The following CD8B variants were observed in gnomAD, a reference collection of about 807,000 sequenced individuals.
CD8B encodes the protein CD8 subunit beta, also known as T-cell surface glycoprotein CD8 beta chain.
CD8B carries 6 observed loss-of-function variants against 24.2 expected under a neutral mutation model. That is an observed-to-expected ratio of 0.25 (90% CI 0.14 to 0.49). The LOEUF (loss-of-function observed/expected upper bound fraction) is 0.49. CD8B is among the 20% of genes least tolerant of loss of function. The pLI, the probability that CD8B is intolerant of heterozygous loss-of-function variation, is 0.98. For missense variants in CD8B, 196 were observed against 271.3 expected, an observed-to-expected ratio of 0.72 and a Z score of 1.95; for synonymous variants, 84 against 108.3, an observed-to-expected ratio of 0.78 and a Z score of 1.39.
chr2:86,835,717 A>G (rs1257346978), downstream of CD8B, among the ~76,000 whole-genome samples: 2 of 150,334 alleles, frequency 1.3e-5, no homozygotes, highest in East Asian at 2.0e-4. Context: ...CCCTCACCCA[A>G]CCGCAGAGAC....
rs151067150 is a variant in CD8B at position 86,828,156 on chromosome 2, G to A, written c.621-12438C>T. On this transcript the variant is annotated intron_variant, in intron 5 of 5. Transcript: ENST00000331469. ...GCAGGTAAATGGAACAGTACCAAAC[G>A]CTTAATAACAAATGCTTAATAAATG... is the stretch of plus-strand genomic sequence containing the variant. 5.1e-3 allele frequency among the ~76,000 whole-genome samples: 781 copies of A among 152,226 alleles called. 12 individuals carry two copies. Among genetic ancestry groups the A allele is most frequent in the South Asian group, 0.021 (102 of 4,812 alleles).
downstream of CD8B, among the ~76,000 whole-genome samples, chr2:86,836,742 G>A (rs1303178979): frequency 6.6e-6 from 1 of 152,156 alleles, no homozygotes; most frequent in African/African-American, 2.4e-5. Context: ...CACTAGCCTG[G>A]GCAACAGAGC....
At chr2:86,855,852 G>A (rs570997791) in intron 2 of CD8B, among the ~76,000 whole-genome samples, 5 of 152,352 alleles carry the variant, frequency 3.3e-5, no homozygotes, top group South Asian at 2.1e-4. Flanking sequence ...GGGCACCGCC[G>A]CCTGGGTCTA....
chr2:86,849,703 G>GTTT (rs551385750), intron 3 of CD8B, among the ~76,000 whole-genome samples: 20 of 127,422 alleles, frequency 1.6e-4, no homozygotes, highest in South Asian at 5.1e-4. Context: ...CAACTAAGGT[G>GTTT]TTTTTTTTTT....
At position 86,846,653 on chromosome 2, in the gene CD8B, A is replaced by T. The variant is rs771549269; in HGVS notation, c.583+31T>A. ...GGGACACTTCAAACAGCAAACAGGGACACCCAACAACCCAAGAGGAGACAA... is the reference window on the plus strand; with the variant it reads ...GGGACACTTCAAACAGCAAACAGGGTCACCCAACAACCCAAGAGGAGACAA... On this transcript the variant is annotated intron_variant, in intron 4 of 5. Transcript: ENST00000390655. 4.3e-5 allele frequency: 51 copies of T among 1,192,706 alleles called. 3 individuals are homozygous for T. The South Asian group carries it at 6.4e-4, about 15-fold the overall frequency. The allele number at this position is 1,192,706 out of a possible 1,614,324, so 73.9% of individuals were successfully genotyped here.
downstream of CD8B, among the ~76,000 whole-genome samples, chr2:86,835,015 C>T (rs1217788689): frequency 2.6e-5 from 4 of 151,774 alleles, no homozygotes; most frequent in African/African-American, 7.3e-5. Flanking sequence ...CACAGAAGCA[C>T]GCACAGGCGC....
At chr2:86,821,669 C>T in intron 5 of CD8B, 1 of 398,098 alleles carries the variant, frequency 2.5e-6, no homozygotes, top group Admixed American at 2.5e-5. Flanking sequence ...TGTTTTTAAC[C>T]CAGTGTGGAC....
At chr2:86,835,397 C>G (rs1262396274), downstream of CD8B, among the ~76,000 whole-genome samples, 2 of 152,214 alleles carry the variant, frequency 1.3e-5, no homozygotes, top group Non-Finnish European at 2.9e-5. Flanking sequence ...GACCCAAACT[C>G]CATCTTCTGC....
intron 5 of CD8B, among the ~76,000 whole-genome samples, chr2:86,829,102 T>TTC (rs1442953248): frequency 1.4e-5 from 2 of 139,120 alleles, no homozygotes; most frequent in Non-Finnish European, 3.2e-5. Flanking sequence ...TTACTTTTTT[T>TTC]TTTTTTTTTT....
In CD8B at chr2:86,840,605, A is replaced by C. The variant is rs1385637823; in HGVS notation, c.*1702T>G. ...GTACTTAAAACCCAGAAAACTTTGC[A>C]ATTGGGCCCATGGGCTATCTGCTTA... is the stretch of plus-strand genomic sequence containing the variant. On this transcript the variant is annotated 3_prime_UTR_variant, in exon 6 of 6. Transcript: ENST00000390655. 1.3e-5 allele frequency among the ~76,000 whole-genome samples: 2 copies of C among 152,156 alleles called. No individual in the cohort carries two copies. Among genetic ancestry groups the C allele is most frequent in the African/African-American group, 2.4e-5 (1 of 41,428 alleles).
intron 5 of CD8B, among the ~76,000 whole-genome samples, chr2:86,826,811 CTG>C (rs976505070): frequency 1.2e-4 from 17 of 147,466 alleles, no homozygotes; most frequent in African/African-American, 4.0e-4. Context: ...GTAGACATGA[CTG>C]TGAATTTCTT....
rs58311096 is a variant in CD8B, at chr2:86,848,701, A to ATTAATTAATTAATTATTTATTTATTTAT, written c.494-1929_494-1928insATAAATAAATAAATAATTAATTAATTAA. On this transcript the variant is annotated intron_variant, in intron 3 of 5. Coordinates refer to ENST00000390655, the MANE Select transcript of CD8B (RefSeq NM_004931.5). ...GGAAGAAAGGTATTGGTATTTTTAA[A>ATTAATTAATTAATTATTTATTTATTTAT]TTATTTATTTATTTATTTATTTATT... Among the ~76,000 whole-genome samples the ATTAATTAATTAATTATTTATTTATTTAT allele has an allele frequency of 8.5e-5, 5 of 58,890 alleles. 1 individual carries two copies. The highest frequency in any genetic ancestry group is 4.3e-4 in the African/African-American group (5 of 11,748). 38.6% of individuals were successfully genotyped at this position (58,890 alleles called of 152,430 possible).
Position 86,858,218 on chromosome 2 carries a change from T to C in CD8B, c.242A>G (p.His81Arg). 6.2e-7 allele frequency: 1 copy of C among 1,613,996 alleles called. No homozygotes were observed. The highest frequency in any genetic ancestry group is 8.5e-7 in the Non-Finnish European group (1 of 1,179,872). ...CTTCTCCTGTTCCACCTCTTCACCG[T>C]GGATAGTCCCTTTTGCGGAATCCCA... Reference protein sequence around the residue: ...ALWDSAKGTIHGEEVEQEKIA... With the variant: ...ALWDSAKGTIRGEEVEQEKIA... The change falls in exon 2 of 6, where the codon CAC (histidine) becomes CGC (arginine). Residue 81 changes from histidine (H) to arginine (R), a missense_variant. Coordinates refer to ENST00000390655, the MANE Select transcript of CD8B (RefSeq NM_004931.5).
At chr2:86,817,372 A>G (rs930311232) in intron 5 of CD8B, among the ~76,000 whole-genome samples, 2 of 152,194 alleles carry the variant, frequency 1.3e-5, no homozygotes, top group African/African-American at 4.8e-5. Context: ...AAATTGGAAA[A>G]TTGTAATAAT....
At chr2:86,816,467 G>A (rs1674249148) in intron 5 of CD8B, among the ~76,000 whole-genome samples, 1 of 152,082 alleles carries the variant, frequency 6.6e-6, no homozygotes, top group Non-Finnish European at 1.5e-5. Context: ...AAAAATAGCT[G>A]AATAATTTTG....
chr2:86,819,897 T>C (rs146038829), intron 5 of CD8B, among the ~76,000 whole-genome samples: 170 of 152,270 alleles, frequency 1.1e-3, no homozygotes, highest in Non-Finnish European at 2.1e-3. Flanking sequence ...GGAGCAGGTA[T>C]AAATACCAAC....
At chr2:86,818,007 C>T (rs542564375) in intron 5 of CD8B, among the ~76,000 whole-genome samples, 64 of 151,954 alleles carry the variant, frequency 4.2e-4, no homozygotes, top group Non-Finnish European at 8.4e-4. Flanking sequence ...TTCAGGAGTT[C>T]GAGACCAGCC....
chr2:86,855,581 T>C (rs1676194904), intron 2 of CD8B, among the ~76,000 whole-genome samples: 1 of 152,232 alleles, frequency 6.6e-6, no homozygotes, highest in African/African-American at 2.4e-5. Context: ...TGACAAAAGT[T>C]GAACACTTTA....
At chr2:86,853,553 T>A (rs573211201) in intron 2 of CD8B, among the ~76,000 whole-genome samples, 4 of 152,164 alleles carry the variant, frequency 2.6e-5, no homozygotes, top group East Asian at 1.9e-4. Flanking sequence ...AGCAATAGAA[T>A]GTTTGATCTG....
Sources: gnomAD v4.1 joint callset for allele counts (sites outside exome capture counted in the v4.1 genomes callset) on GRCh38, gnomAD v4.1.1 for gene constraint, MANE v1.5 for transcripts, NCBI Gene and HGNC (gene_info 2026-07-23, HGNC 2026-07-21) for gene names.